Variants in ASPSCR1 observed in about 807,000 individuals in gnomAD.
The protein encoded by ASPSCR1 is ASPSCR1 tether for SLC2A4, UBX domain containing.
Under a neutral mutation model 68.9 loss-of-function variants are expected in ASPSCR1, and 55 were observed. The ratio of observed to expected loss-of-function variants is 0.80; its 90% CI spans 0.64 to 1.00. The LOEUF (loss-of-function observed/expected upper bound fraction) is 1.00. Among genes scored for constraint, ASPSCR1 ranks in the 50% least tolerant of loss-of-function variants. ASPSCR1 has a pLI of 0.00. For missense variants in ASPSCR1, 765 were observed against 762.2 expected (o/e 1.00, Z -0.04); for synonymous variants, 352 against 332.6 (o/e 1.06, Z -0.63).
In ASPSCR1 at chr17:81,986,355, C is replaced by T. The variant is rs551956911; in HGVS notation, c.374+748C>T. ...GCTGAGGTGGGAGGATCACTTGAGC[C>T]GTGGAGGCAGTTGCAGTGAGCCGAG... On this transcript the variant is annotated intron_variant, in intron 4 of 15. Coordinates refer to ENST00000306739, the MANE Select transcript of ASPSCR1 (RefSeq NM_024083.4). This position sits in a 1 kb window ranked among gnomAD's most constrained non-coding sequence, Gnocchi z 5.2. 1.3e-3 allele frequency among the ~76,000 whole-genome samples: 201 copies of T among 152,130 alleles called. 1 individual carries two copies. The highest frequency in any genetic ancestry group is 4.7e-3 in the African/African-American group (194 of 41,506).
intron 7 of ASPSCR1, among the ~76,000 whole-genome samples, chr17:82,002,589 G>C (rs1233648026): frequency 6.6e-6 from 1 of 151,732 alleles, no homozygotes; most frequent in African/African-American, 2.4e-5. Flanking sequence ...TTGAGACAGA[G>C]TCTCACTCTG....
In ASPSCR1 at chr17:81,983,530, A is replaced by C. The variant is rs370497131; in HGVS notation, c.159-24A>C. ...GCGTGTCAGGCTCTGCAGGGCAGCA[A>C]GTGTGCTCTGGTCTGTCTTGCAGGT... is the stretch of plus-strand genomic sequence containing the variant. On this transcript the variant is annotated intron_variant, in intron 2 of 15. Coordinates refer to ENST00000306739, the MANE Select transcript of ASPSCR1 (RefSeq NM_024083.4). This position sits in a 1 kb window ranked among gnomAD's most constrained non-coding sequence, Gnocchi z 4.4. The C allele has an allele frequency of 1.3e-6, 2 of 1,568,672 alleles. No individual in the cohort carries two copies. Among genetic ancestry groups the C allele is most frequent in the Non-Finnish European group, 1.7e-6 (2 of 1,146,606 alleles).
chr17:81,983,458 G>A lies in ASPSCR1; in HGVS notation c.159-96G>A. 3 of 1,017,548 alleles carry A rather than the reference G, an allele frequency of 2.9e-6. No individual in the cohort carries two copies. The highest frequency in any genetic ancestry group is 4.4e-6 in the Non-Finnish European group (3 of 680,798). 63.0% of individuals were successfully genotyped at this position (1,017,548 alleles called of 1,614,324 possible). ...GGACGTGGATGGCGGGGCGTGGATG[G>A]CGGGGCGTGGATGGTGGGACGGGGA... On this transcript the variant is annotated intron_variant, in intron 2 of 15. Coordinates refer to ENST00000306739, the MANE Select transcript of ASPSCR1 (RefSeq NM_024083.4). This position sits in a 1 kb window ranked among gnomAD's most constrained non-coding sequence, Gnocchi z 4.4.
In ASPSCR1 at chr17:81,987,741, T is replaced by G. The variant is rs532590333; in HGVS notation, c.374+2134T>G. 3.3e-5 allele frequency among the ~76,000 whole-genome samples: 5 copies of G among 151,832 alleles called. No homozygotes were observed. Among genetic ancestry groups the G allele is most frequent in the African/African-American group, 9.7e-5 (4 of 41,408 alleles). On this transcript the variant is annotated intron_variant, in intron 4 of 15. Coordinates refer to ENST00000306739, the MANE Select transcript of ASPSCR1 (RefSeq NM_024083.4). The surrounding 1 kb of genome is among the most constrained non-coding windows in gnomAD (Gnocchi z 5.6). ...TCTGGAAGTGGCTTTGGAGCTGGCT[T>G]TGGTGGTGGCTGTGGGGGTGGGTTT...
At position 81,993,951 on chromosome 17, in the gene ASPSCR1, G is replaced by A. The variant is rs956002242; in HGVS notation, c.375-870G>A. Among the ~76,000 whole-genome samples the A allele has an allele frequency of 8.8e-4, 134 of 152,262 alleles. 1 individual carries two copies. Among genetic ancestry groups the A allele is most frequent in the African/African-American group, 3.1e-3 (127 of 41,494 alleles). ...CTCCTCTCGGATTCCCCTCCCTGGA[G>A]AGGGACTGATGAGGGGCATCTGCAA... On this transcript the variant is annotated intron_variant, in intron 4 of 15. Coordinates refer to ENST00000306739, the MANE Select transcript of ASPSCR1 (RefSeq NM_024083.4).
At position 82,017,359 on chromosome 17, in the gene ASPSCR1, A is replaced by C; in HGVS notation, c.*37A>C. The C allele has an allele frequency of 6.2e-7, 1 of 1,612,274 alleles. No homozygotes were observed. Among genetic ancestry groups the C allele is most frequent in the African/African-American group, 1.3e-5 (1 of 75,056 alleles). Reference sequence around the variant, plus strand: ...CTGAGGTGCCCACTCCGCCAGCCACAGGACCACCTCCTCTGCCAGCAGGAA... The same window carrying C: ...CTGAGGTGCCCACTCCGCCAGCCACCGGACCACCTCCTCTGCCAGCAGGAA... On this transcript the variant is annotated 3_prime_UTR_variant, in exon 16 of 16. Coordinates refer to ENST00000306739, the MANE Select transcript of ASPSCR1 (RefSeq NM_024083.4).
chr17:82,010,650 G>C (rs925591526), intron 9 of ASPSCR1, 152 bp from the exon 10 acceptor site: 1 of 745,502 alleles, frequency 1.3e-6, no homozygotes, highest in Non-Finnish European at 2.3e-6. Flanking sequence ...TGCCACGGGG[G>C]AGTCAAAGCC....
chr17:82,010,852 C>G lies in ASPSCR1; in HGVS notation c.1221C>G (p.Phe407Leu). The change falls in exon 10 of 16, where the codon TTC becomes TTG. Residue 407 changes from phenylalanine (F) to leucine (L), a missense_variant. Physicochemically the swap from Phe to Leu is conservative, Grantham distance 22 (BLOSUM62 0). Coordinates refer to ENST00000306739, the MANE Select transcript of ASPSCR1 (RefSeq NM_024083.4). The part of the protein sequence containing the change: ...FPDRYVLQGF[F>L]RPSETVGDLR... The stretch of plus-strand genomic sequence containing the variant: ...ACCGCTACGTCCTACAGGGCTTCTT[C>G]CGCCCCAGCGAGACAGGTGGGCAGC... The G allele has an allele frequency of 6.2e-7, 1 of 1,612,850 alleles. No homozygotes were observed. Among genetic ancestry groups the G allele is most frequent in the Non-Finnish European group, 8.5e-7 (1 of 1,179,910 alleles).
In ASPSCR1 at chr17:81,990,264, G is replaced by A. The variant is rs1423542639; in HGVS notation, c.375-4557G>A. 6.6e-6 allele frequency among the ~76,000 whole-genome samples: 1 copy of A among 152,216 alleles called. No individual in the cohort carries two copies. The highest frequency in any genetic ancestry group is 2.4e-5 in the African/African-American group (1 of 41,446). ...GAGACCTGCATGTATGGTGCACTTGGAGCATCTCGGTCTGGGCCGGGTCCT... is the reference window on the plus strand; with the variant it reads ...GAGACCTGCATGTATGGTGCACTTGAAGCATCTCGGTCTGGGCCGGGTCCT... On this transcript the variant is annotated intron_variant, in intron 4 of 15. Transcript: ENST00000306739. The surrounding 1 kb of genome is among the most constrained non-coding windows in gnomAD (Gnocchi z 4.1).
At chr17:81,988,596 C>T (rs1420009620) in intron 4 of ASPSCR1, among the ~76,000 whole-genome samples, 1 of 152,176 alleles carries the variant, frequency 6.6e-6, no homozygotes, top group Non-Finnish European at 1.5e-5. Flanking sequence ...GGTCTGTCTG[C>T]GGGTGTGTCT....
At position 81,987,971 on chromosome 17, in the gene ASPSCR1, A is replaced by G. The variant is rs2144018747; in HGVS notation, c.374+2364A>G. On this transcript the variant is annotated intron_variant, in intron 4 of 15. Transcript: ENST00000306739. The surrounding 1 kb of genome is among the most constrained non-coding windows in gnomAD (Gnocchi z 5.6). Reference sequence around the variant, plus strand: ...TCAGGAGTTCGAGACCAGCCTGGCCAATATGGTGAAACTCCATCTCTACTA... The same window carrying G: ...TCAGGAGTTCGAGACCAGCCTGGCCGATATGGTGAAACTCCATCTCTACTA... Among the ~76,000 whole-genome samples the G allele has an allele frequency of 6.6e-6, 1 of 152,008 alleles. No homozygotes were observed. Among genetic ancestry groups the G allele is most frequent in the East Asian group, 1.9e-4 (1 of 5,160 alleles).
chr17:82,016,569 C>A (rs1480077483), intron 13 of ASPSCR1, 42 bp downstream of exon 13: 1 of 1,548,444 alleles, frequency 6.5e-7, no homozygotes, highest in Non-Finnish European at 8.7e-7. Context: ...GTCCAGCCAG[C>A]CTGTCCCTGG....
At chr17:82,017,156 A>C in intron 15 of ASPSCR1, 43 bp downstream of exon 15, 1 of 1,554,078 alleles carries the variant, frequency 6.4e-7, no homozygotes, top group Non-Finnish European at 8.7e-7. Flanking sequence ...GGCCGGGTGG[A>C]GGGCGGGGGT....
rs2041854797 is a variant in ASPSCR1 at position 81,983,287 on chromosome 17, T to G, written c.159-267T>G. Among the ~76,000 whole-genome samples, 2 of 152,134 alleles carry G rather than the reference T, an allele frequency of 1.3e-5. No individual in the cohort carries two copies. On this transcript the variant is annotated intron_variant, in intron 2 of 15. Coordinates refer to ENST00000306739, the MANE Select transcript of ASPSCR1 (RefSeq NM_024083.4). The surrounding 1 kb of genome is among the most constrained non-coding windows in gnomAD (Gnocchi z 4.4). ...CACTGGGGCTGTCAGCACCCCAGAC[T>G]CTGAAGGAGCAGCCCCCTCGGCGTG...
chr17:81,978,009 C>T (rs1056674459), intron 1 of ASPSCR1: 14 of 256,716 alleles, frequency 5.5e-5, no homozygotes, highest in Non-Finnish European at 8.1e-5. Flanking sequence ...GTGTCACCCG[C>T]ATCGAGTACT....
chr17:82,008,751 G>C (rs2042807735), intron 7 of ASPSCR1: 1 of 364,460 alleles, frequency 2.7e-6, no homozygotes, highest in Admixed American at 4.7e-5. Context: ...GACTCCAGGG[G>C]CCATGTGCCC....
chr17:82,012,089 G>A, intron 11 of ASPSCR1, 142 bp from the exon 12 acceptor site: 4 of 1,010,894 alleles, frequency 4.0e-6, no homozygotes, highest in Non-Finnish European at 4.6e-6. Flanking sequence ...TGCAGCAGGA[G>A]TGTGGGCACA....
At chr17:81,991,842 G>A (rs1391732382) in intron 4 of ASPSCR1, among the ~76,000 whole-genome samples, 1 of 152,238 alleles carries the variant, frequency 6.6e-6, no homozygotes, top group Non-Finnish European at 1.5e-5. Context: ...GTTTGCGCCC[G>A]GCTTTGTCAT....
intron 7 of ASPSCR1, among the ~76,000 whole-genome samples, chr17:81,997,221 C>A (rs907284713): frequency 7.4e-6 from 1 of 135,610 alleles, no homozygotes; most frequent in Non-Finnish European, 1.5e-5. Flanking sequence ...GCAGGGCCGC[C>A]CTGGGGTGGT....
Sources: allele counts gnomAD v4.1 joint callset (sites outside exome capture counted in the v4.1 genomes callset), GRCh38; gene constraint gnomAD v4.1.1; non-coding constraint Gnocchi (gnomAD v3.1); transcripts MANE v1.5; gene names NCBI Gene and HGNC (gene_info 2026-07-23, HGNC 2026-07-21).